WWOX: variants seen among roughly 807,000 people sequenced by gnomAD.
WWOX encodes the protein WW domain containing oxidoreductase.
In WWOX, 69 loss-of-function variants were observed where a neutral mutation model predicts 46.2. That is an observed-to-expected ratio of 1.49 (90% CI 1.23 to 1.82). The LOEUF is 1.82. Among genes scored for constraint, WWOX ranks in the 40% most tolerant of loss-of-function variants. WWOX has a pLI of 0.00. For synonymous variants in WWOX, 359 were observed against 202.6 expected (o/e 1.77, Z -6.56); for missense variants, 919 against 542.6 (o/e 1.69, Z -6.89).
chr16:78,498,488 A>C (rs2151471686), intron 8 of WWOX, among the ~76,000 whole-genome samples: 1 of 152,304 alleles, frequency 6.6e-6, no homozygotes, highest in East Asian at 1.9e-4. Flanking sequence ...CTACCCACTG[A>C]GAAGCACAAG....
At chr16:78,795,225 T>C (rs2050706006) in intron 8 of WWOX, among the ~76,000 whole-genome samples, 1 of 152,196 alleles carries the variant, frequency 6.6e-6, no homozygotes, top group African/African-American at 2.4e-5. Flanking sequence ...TTATTCACAC[T>C]TCACAGATAT....
At chr16:78,636,014 A>T (rs149079531) in intron 8 of WWOX, among the ~76,000 whole-genome samples, 169 of 152,272 alleles carry the variant, frequency 1.1e-3, no homozygotes, top group African/African-American at 3.9e-3. Context: ...GCCAACACGA[A>T]GGTAGATGGA....
At chr16:78,404,060 A>G (rs2082472074) in intron 6 of WWOX, among the ~76,000 whole-genome samples, 1 of 152,196 alleles carries the variant, frequency 6.6e-6, no homozygotes, top group African/African-American at 2.4e-5. Context: ...AGGCGAGGCT[A>G]AAAAGTATAG....
chr16:78,533,636 G>A (rs1196998915), intron 8 of WWOX, among the ~76,000 whole-genome samples: 2 of 152,164 alleles, frequency 1.3e-5, no homozygotes. Flanking sequence ...CTGAGAGGCA[G>A]ACCTGTGATT....
chr16:78,910,290 A>C (rs1458859231), intron 8 of WWOX, among the ~76,000 whole-genome samples: 2 of 152,084 alleles, frequency 1.3e-5, no homozygotes, highest in Non-Finnish European at 1.5e-5. Context: ...TCATGGACTC[A>C]CATGACAAAA....
chr16:78,729,440 C>A (rs555616059), intron 8 of WWOX, among the ~76,000 whole-genome samples: 17 of 152,092 alleles, frequency 1.1e-4, no homozygotes, highest in Non-Finnish European at 2.1e-4. Flanking sequence ...GAAAAAGTGC[C>A]TTTGTAGAAT....
chr16:78,926,703 G>A (rs1238848787), intron 8 of WWOX, among the ~76,000 whole-genome samples: 1 of 152,158 alleles, frequency 6.6e-6, no homozygotes, highest in Non-Finnish European at 1.5e-5. Context: ...AAAGTTGTTT[G>A]CTTTTGAAAG....
chr16:78,166,063 T>A (rs1263150998), intron 5 of WWOX, among the ~76,000 whole-genome samples: 1 of 152,198 alleles, frequency 6.6e-6, no homozygotes, highest in African/African-American at 2.4e-5. Context: ...AAATGAAATG[T>A]GAAAGTCGTT....
intron 6 of WWOX, among the ~76,000 whole-genome samples, chr16:78,398,948 G>T (rs1297279286): frequency 6.6e-6 from 1 of 152,134 alleles, no homozygotes; most frequent in Non-Finnish European, 1.5e-5. Context: ...GAAGGGGATG[G>T]GTGGCTGGCT....
intron 8 of WWOX, among the ~76,000 whole-genome samples, chr16:78,567,040 A>G (rs2044586714): frequency 6.6e-6 from 1 of 152,138 alleles, no homozygotes. Flanking sequence ...TCATACATTC[A>G]TTATTTGTTA....
chr16:78,588,675 T>A (rs1226120652), intron 8 of WWOX, among the ~76,000 whole-genome samples: 1 of 152,210 alleles, frequency 6.6e-6, no homozygotes, highest in Non-Finnish European at 1.5e-5. Flanking sequence ...CCTGCTGAGG[T>A]GTCCTAGGTG....
In WWOX at chr16:79,212,302, T is replaced by G. The variant is rs1047520868; in HGVS notation, c.*506T>G. 6.3e-6 allele frequency: 6 copies of G among 955,906 alleles called. No individual in the cohort carries two copies. The highest frequency in any genetic ancestry group is 9.0e-6 in the Non-Finnish European group (6 of 668,150). 59.2% of individuals were successfully genotyped at this position (955,906 alleles called of 1,614,324 possible). On this transcript the variant is annotated 3_prime_UTR_variant, in exon 9 of 9. Coordinates refer to ENST00000566780, the MANE Select transcript of WWOX (RefSeq NM_016373.4). ...AAGACTGAGCCAGCTTAGCAACTGC[T>G]GGGGAGACAAATCTCAGAACCTTGT...
intron 8 of WWOX, among the ~76,000 whole-genome samples, chr16:78,978,750 A>G (rs1025538044): frequency 1.3e-5 from 2 of 152,200 alleles, no homozygotes; most frequent in African/African-American, 2.4e-5. Context: ...GAATCGCATG[A>G]GAACTCTCTC....
At chr16:78,946,013 G>A (rs574278728) in intron 8 of WWOX, among the ~76,000 whole-genome samples, 16 of 152,224 alleles carry the variant, frequency 1.1e-4, no homozygotes, top group Non-Finnish European at 1.9e-4. Context: ...ACCCAAAAGA[G>A]CCGCTGATCT....
intron 4 of WWOX, among the ~76,000 whole-genome samples, chr16:78,149,210 C>G (rs1273702520): frequency 6.6e-6 from 1 of 152,068 alleles, no homozygotes; most frequent in South Asian, 2.1e-4. Flanking sequence ...ACAGTGAAGA[C>G]TTTTGGAAAT....
rs192650668 is a variant in WWOX, at chr16:78,968,306, A to G, written c.1057-243302A>G. On this transcript the variant is annotated intron_variant, in intron 8 of 8. Transcript: ENST00000566780. ...CCATAGTCCTACCCGTAGGAATCCA[A>G]CAGGGAACTGTCACCACCGACCCGA... Among the ~76,000 whole-genome samples, 17 of 152,296 alleles carry G rather than the reference A, an allele frequency of 1.1e-4. No homozygotes were observed. In the East Asian group the frequency reaches 3.1e-3, roughly 28 times the overall value.
chr16:78,725,339 C>CTTTTTT lies in WWOX; in HGVS notation c.1056+292591_1056+292592insTTTTTT, dbSNP rs921746316. On this transcript the variant is annotated intron_variant, in intron 8 of 8. Coordinates refer to ENST00000566780, the MANE Select transcript of WWOX (RefSeq NM_016373.4). ...TTTTTTTCCTTTTTTCTTTTCTTTT[C>CTTTTTT]TTTTCTTTTTTTTTTTTTTTTTTTT... Among the ~76,000 whole-genome samples the CTTTTTT allele has an allele frequency of 8.0e-3, 691 of 86,612 alleles. 13 individuals are homozygous for CTTTTTT. Among genetic ancestry groups the CTTTTTT allele is most frequent in the Non-Finnish European group, 0.011 (502 of 45,712 alleles). 56.8% of individuals were successfully genotyped at this position (86,612 alleles called of 152,430 possible). A position where few individuals can be genotyped will look rare whatever the true frequency, so the allele number is the denominator to read the frequency against.
chr16:78,984,451 G>T (rs923630774), intron 8 of WWOX, among the ~76,000 whole-genome samples: 5 of 152,204 alleles, frequency 3.3e-5, no homozygotes, highest in Non-Finnish European at 7.3e-5. Flanking sequence ...TAGTGCAAAA[G>T]CAGCTGTAGA....
chr16:78,965,107 C>CT (rs2046340552), intron 8 of WWOX, among the ~76,000 whole-genome samples: 1 of 152,190 alleles, frequency 6.6e-6, no homozygotes, highest in Non-Finnish European at 1.5e-5. Context: ...AAATGTAGGG[C>CT]TGGAGCCTCC....
Sources: allele counts gnomAD v4.1 joint callset (sites outside exome capture counted in the v4.1 genomes callset), GRCh38; gene constraint gnomAD v4.1.1; transcripts MANE v1.5; gene names NCBI Gene and HGNC (gene_info 2026-07-23, HGNC 2026-07-21).